The following ARID3B variants were observed in gnomAD, a reference collection of about 807,000 sequenced individuals.
The protein encoded by ARID3B is AT-rich interactive domain-containing protein 3B.
In ARID3B, 10 loss-of-function variants were observed where a neutral mutation model predicts 51.9. That is an observed-to-expected ratio of 0.19 (90% confidence interval 0.12 to 0.33). The LOEUF is 0.33. Among genes scored for constraint, ARID3B ranks in the 10% least tolerant of loss-of-function variants. The probability of loss-of-function intolerance (pLI) is 1.00; values close to 1 mark genes in which losing one functional copy is unlikely to be tolerated. For missense variants in ARID3B, 483 were observed against 716.3 expected, an observed-to-expected ratio of 0.67 and a Z score of 3.72; for synonymous variants, 205 against 279.5, an observed-to-expected ratio of 0.73 and a Z score of 2.66.
At chr15:74,566,587 A>T (rs1437112334) in intron 2 of ARID3B, among the ~76,000 whole-genome samples, 1 of 150,220 alleles carries the variant, frequency 6.7e-6, no homozygotes, top group African/African-American at 2.5e-5. Context: ...CGGGTGACAG[A>T]GTGAGACTCT....
intron 2 of ARID3B, among the ~76,000 whole-genome samples, chr15:74,563,449 T>C (rs1490571991): frequency 6.6e-6 from 1 of 152,368 alleles, no homozygotes; most frequent in African/African-American, 2.4e-5. Flanking sequence ...TAGTAATTTT[T>C]AAAAATGTTG....
chr15:74,568,654 T>A (rs2061708033), intron 2 of ARID3B, among the ~76,000 whole-genome samples: 2 of 152,134 alleles, frequency 1.3e-5, no homozygotes, highest in African/African-American at 4.8e-5. Context: ...ATTAGCTGAA[T>A]GTAGGTATAG....
At chr15:74,565,732 T>A (rs563698582) in intron 2 of ARID3B, among the ~76,000 whole-genome samples, 3 of 151,512 alleles carry the variant, frequency 2.0e-5, no homozygotes, top group African/African-American at 7.3e-5. Context: ...GTTGTTTTTT[T>A]TGTTTTTTTT....
chr15:74,561,805 G>C (rs1364417326), intron 2 of ARID3B, among the ~76,000 whole-genome samples: 2 of 152,090 alleles, frequency 1.3e-5, no homozygotes, highest in African/African-American at 4.8e-5. Context: ...CAACCTTATG[G>C]TGGTACAAAA....
intron 4 of ARID3B, 111 bp from the exon 5 acceptor site, chr15:74,589,709 C>G (rs2061796171): frequency 1.7e-6 from 2 of 1,180,352 alleles, no homozygotes; most frequent in Middle Eastern, 3.0e-4. Context: ...AATTACACTT[C>G]CAGGTTGATG....
At chr15:74,543,202 A>G (rs1237045175) in intron 1 of ARID3B, among the ~76,000 whole-genome samples, 1 of 152,018 alleles carries the variant, frequency 6.6e-6, no homozygotes, top group East Asian at 1.9e-4. Context: ...TTGAAATTGG[A>G]TTCTTTTTGA....
chr15:74,577,921 G>A (rs1169969550), intron 4 of ARID3B, among the ~76,000 whole-genome samples: 2 of 152,016 alleles, frequency 1.3e-5, no homozygotes, highest in African/African-American at 4.8e-5. Flanking sequence ...TTCAGTGGTC[G>A]ATCTCAGCTT....
intron 2 of ARID3B, among the ~76,000 whole-genome samples, chr15:74,569,103 G>T (rs1324030185): frequency 2.0e-5 from 3 of 152,118 alleles, no homozygotes; most frequent in Admixed American, 6.6e-5. Context: ...TAATTTTCTA[G>T]TAGTCACACC....
At chr15:74,570,651 A>T (rs146419413) in intron 2 of ARID3B, among the ~76,000 whole-genome samples, 1 of 152,318 alleles carries the variant, frequency 6.6e-6, no homozygotes, top group African/African-American at 2.4e-5. Context: ...ATGTCTTTCA[A>T]CTGATAGGGG....
At chr15:74,542,722 C>A (rs925302254) in intron 1 of ARID3B, among the ~76,000 whole-genome samples, 1 of 152,170 alleles carries the variant, frequency 6.6e-6, no homozygotes, top group Non-Finnish European at 1.5e-5. Context: ...CAAAATTGTA[C>A]GCCATGTTGC....
chr15:74,556,759 T>C (rs28391400), intron 2 of ARID3B, among the ~76,000 whole-genome samples: 1 of 148,970 alleles, frequency 6.7e-6, no homozygotes, highest in Non-Finnish European at 1.5e-5. Context: ...TTTCCTTTTT[T>C]CTTTTTTTTG....
intron 2 of ARID3B, among the ~76,000 whole-genome samples, chr15:74,545,471 G>A (rs1292270341): frequency 6.6e-6 from 1 of 152,178 alleles, no homozygotes; most frequent in East Asian, 1.9e-4. Flanking sequence ...ATCTTGGAGG[G>A]TGGAGCCTAG....
chr15:74,561,626 TC>T (rs1370389311), intron 2 of ARID3B, among the ~76,000 whole-genome samples: 2 of 152,196 alleles, frequency 1.3e-5, no homozygotes, highest in Non-Finnish European at 2.9e-5. Flanking sequence ...TCACTGGACT[TC>T]CTTTTGCTTT....
At chr15:74,594,580 G>A (rs932076780) in intron 8 of ARID3B, among the ~76,000 whole-genome samples, 2 of 152,254 alleles carry the variant, frequency 1.3e-5, no homozygotes, top group African/African-American at 4.8e-5. Flanking sequence ...GGAGACAGGC[G>A]AAAGCCCTAC....
intron 4 of ARID3B, among the ~76,000 whole-genome samples, chr15:74,578,733 A>AT (rs988320733): frequency 1.5e-4 from 23 of 151,600 alleles, no homozygotes; most frequent in South Asian, 1.0e-3. Flanking sequence ...CAAAAAAAAC[A>AT]TTTTTTTTTA....
At chr15:74,548,792 C>G (rs2061625031) in intron 2 of ARID3B, among the ~76,000 whole-genome samples, 2 of 152,086 alleles carry the variant, frequency 1.3e-5, no homozygotes, top group Admixed American at 1.3e-4. Flanking sequence ...AGCTCCATGA[C>G]AAATGGGAAG....
chr15:74,595,983 G>A lies in ARID3B; in HGVS notation c.*209G>A. The A allele has an allele frequency of 3.5e-6, 2 of 568,934 alleles. No individual in the cohort carries two copies. Among genetic ancestry groups the A allele is most frequent in the Non-Finnish European group, 6.0e-6 (2 of 330,686 alleles). The allele number at this position is 568,934 out of a possible 1,614,324, so 35.2% of individuals were successfully genotyped here. ...AGGCTAGAGGGGCAGGACAGACAGC[G>A]TTGTCCAATCAGGGATTGTCCTGGA... On this transcript the variant is annotated 3_prime_UTR_variant, in exon 9 of 9. Transcript: ENST00000346246.
At chr15:74,564,817 T>C (rs1441506929) in intron 2 of ARID3B, among the ~76,000 whole-genome samples, 1 of 151,954 alleles carries the variant, frequency 6.6e-6, no homozygotes, top group Non-Finnish European at 1.5e-5. Context: ...GCCAGGCTGG[T>C]CTCAAACTCC....
At position 74,598,044 on chromosome 15, in the gene ARID3B, G is replaced by A. The variant is rs2141486763; in HGVS notation, c.*2270G>A. The A allele has an allele frequency of 5.7e-6, 3 of 529,596 alleles. No individual in the cohort carries two copies. Among genetic ancestry groups the A allele is most frequent in the Non-Finnish European group, 1.1e-5 (3 of 271,922 alleles). The allele number at this position is 529,596 out of a possible 1,614,324, so 32.8% of individuals were successfully genotyped here. A position where few individuals can be genotyped will look rare whatever the true frequency, so the allele number is the denominator to read the frequency against. On this transcript the variant is annotated 3_prime_UTR_variant, in exon 9 of 9. Coordinates refer to ENST00000346246, the MANE Select transcript of ARID3B (RefSeq NM_006465.4). ...GAGTAAATACCTCAGATGTCCTCCT[G>A]CAGCAAGTGTCTATATGTTGTGGTT...
Sources: gnomAD v4.1 joint callset for allele counts (sites outside exome capture counted in the v4.1 genomes callset) on GRCh38, gnomAD v4.1.1 for gene constraint, MANE v1.5 for transcripts, NCBI Gene and HGNC (gene_info 2026-07-23, HGNC 2026-07-21) for gene names.